The following SLC16A9 variants were observed in gnomAD, a reference collection of about 807,000 sequenced individuals.
SLC16A9 encodes the protein solute carrier family 16 member 9.
A neutral mutation model predicts 44.3 loss-of-function variants in SLC16A9; 26 were observed. The ratio of observed to expected loss-of-function variants is 0.59; its 90% CI spans 0.43 to 0.81. SLC16A9 has a LOEUF of 0.81. SLC16A9 is among the 40% of genes least tolerant of loss of function. The pLI is 0.00. For synonymous variants in SLC16A9, 230 were observed against 225.1 expected (o/e 1.02, Z -0.19); for missense variants, 559 against 595.8 (o/e 0.94, Z 0.64).
rs1002179378 is a variant in SLC16A9 at position 59,661,258 on chromosome 10, T to C, written c.436+2969A>G. ...ATGATTGTATATTTAGAAAACCCCA[T>C]CATCTCAGCCCGAAATCTCCTGAAG... On this transcript the variant is annotated intron_variant, in intron 4 of 5. Transcript: ENST00000395348. 2.6e-5 allele frequency among the ~76,000 whole-genome samples: 4 copies of C among 152,146 alleles called. No homozygotes were observed. The South Asian group carries it at 8.3e-4, about 32-fold the overall frequency.
intron 4 of SLC16A9, among the ~76,000 whole-genome samples, chr10:59,663,390 A>AAGAAAGAT (rs1839528164): frequency 6.6e-6 from 1 of 152,174 alleles, no homozygotes; most frequent in East Asian, 1.9e-4. Flanking sequence ...GAAAGAAAGA[A>AAGAAAGAT]AATGTGGCAC....
intron 1 of SLC16A9, among the ~76,000 whole-genome samples, chr10:59,696,637 G>A (rs1440314625): frequency 3.3e-5 from 5 of 150,286 alleles, no homozygotes; most frequent in African/African-American, 7.3e-5. Flanking sequence ...CTGCCCGGCC[G>A]CCATCCCATC....
intron 3 of SLC16A9, among the ~76,000 whole-genome samples, chr10:59,670,465 GT>G (rs1389312247): frequency 1.3e-5 from 2 of 152,164 alleles, no homozygotes; most frequent in Non-Finnish European, 2.9e-5. Flanking sequence ...TACAAAACAT[GT>G]TTACAGTCAC....
chr10:59,660,618 A>G (rs1839451729), intron 4 of SLC16A9, among the ~76,000 whole-genome samples: 1 of 152,178 alleles, frequency 6.6e-6, no homozygotes, highest in Admixed American at 6.5e-5. Flanking sequence ...ATTCCAAACA[A>G]TAGAAAAACA....
Position 59,651,397 on chromosome 10 carries a change from T to A in SLC16A9, c.*1375A>T, listed in dbSNP as rs555039780. ...CCTGACCTCTTGGGTTTTAAAAAAATTATTATTTAAAAGAATAAATGTTTT... is the reference window on the plus strand; with the variant it reads ...CCTGACCTCTTGGGTTTTAAAAAAAATATTATTTAAAAGAATAAATGTTTT... On this transcript the variant is annotated 3_prime_UTR_variant, in exon 6 of 6. Transcript: ENST00000395348. 2.0e-5 allele frequency: 3 copies of A among 152,326 alleles called. No individual in the cohort carries two copies. The highest frequency in any genetic ancestry group is 7.2e-5 in the African/African-American group (3 of 41,588). 9.4% of individuals were successfully genotyped at this position (152,326 alleles called of 1,614,324 possible).
At chr10:59,672,396 A>C (rs1220514516) in intron 3 of SLC16A9, among the ~76,000 whole-genome samples, 1 of 152,190 alleles carries the variant, frequency 6.6e-6, no homozygotes, top group African/African-American at 2.4e-5. Context: ...GCTTCAAAGA[A>C]TCATGCTTGA....
chr10:59,699,659 G>A (rs1418570102), intron 1 of SLC16A9, among the ~76,000 whole-genome samples: 1 of 151,908 alleles, frequency 6.6e-6, no homozygotes, highest in Non-Finnish European at 1.5e-5. Context: ...CCAGTGCCTG[G>A]CACATAGTAA....
intron 3 of SLC16A9, 80 bp from the exon 4 acceptor site, chr10:59,664,402 C>T (rs774852747): frequency 9.7e-5 from 86 of 887,662 alleles, no homozygotes; most frequent in Non-Finnish European, 1.4e-4. Context: ...CAAGTATGTC[C>T]GATAAGACAT....
intron 2 of SLC16A9, among the ~76,000 whole-genome samples, chr10:59,676,725 C>G (rs553862495): frequency 1.3e-5 from 2 of 152,028 alleles, no homozygotes; most frequent in African/African-American, 4.8e-5. Flanking sequence ...GAGTTCAAGA[C>G]CAGGTTGGCC....
chr10:59,678,540 C>CTTTTTT (rs1426559419), intron 2 of SLC16A9, among the ~76,000 whole-genome samples: 56 of 22,278 alleles, frequency 2.5e-3, no homozygotes, highest in African/African-American at 5.4e-3. Flanking sequence ...TTTTCTTTTT[C>CTTTTTT]TTTTTCTTTT....
chr10:59,702,488 T>A (rs921783360), intron 1 of SLC16A9, among the ~76,000 whole-genome samples: 51 of 152,308 alleles, frequency 3.3e-4, no homozygotes, highest in African/African-American at 1.1e-3. Context: ...GAGCCTCTTG[T>A]TTGTCCTCTG....
rs1345108606 is a variant in SLC16A9, at chr10:59,652,721, A to C, written c.*51T>G. ...AATTTGCTTGAGAATCTGTTAAAAT[A>C]TCGTTGCTATATGGTATAAAATAGC... On this transcript the variant is annotated 3_prime_UTR_variant, in exon 6 of 6. Transcript: ENST00000395348. The C allele has an allele frequency of 2.0e-6, 3 of 1,473,214 alleles. No individual in the cohort carries two copies. In the South Asian group the frequency reaches 4.2e-5, roughly 21 times the overall value. 91.3% of individuals were successfully genotyped at this position (1,473,214 alleles called of 1,614,324 possible).
chr10:59,661,356 A>G (rs1199567841), intron 4 of SLC16A9, among the ~76,000 whole-genome samples: 3 of 152,132 alleles, frequency 2.0e-5, no homozygotes, highest in South Asian at 4.1e-4. Context: ...CTATACACCA[A>G]TAATAGACAG....
chr10:59,699,858 C>T (rs1840482603), intron 1 of SLC16A9, among the ~76,000 whole-genome samples: 1 of 151,328 alleles, frequency 6.6e-6, no homozygotes, highest in African/African-American at 2.4e-5. Context: ...CTGTTAGATA[C>T]TTGGTTCTAG....
intron 1 of SLC16A9, among the ~76,000 whole-genome samples, chr10:59,693,143 T>C (rs1840287805): frequency 6.6e-6 from 1 of 152,248 alleles, no homozygotes; most frequent in Admixed American, 6.5e-5. Context: ...GGTCATCAGC[T>C]GCAACAGTGT....
chr10:59,669,884 C>T (rs555729076), intron 3 of SLC16A9, among the ~76,000 whole-genome samples: 2 of 152,144 alleles, frequency 1.3e-5, no homozygotes, highest in African/African-American at 4.8e-5. Context: ...TTCCTCATTG[C>T]AATTAATCCT....
intron 1 of SLC16A9, among the ~76,000 whole-genome samples, chr10:59,688,951 CCA>C (rs1840195032): frequency 6.6e-6 from 1 of 151,998 alleles, no homozygotes; most frequent in Non-Finnish European, 1.5e-5. Flanking sequence ...CCTTTCTACA[CCA>C]CACACCTCCG....
chr10:59,693,697 G>C (rs10993963), intron 1 of SLC16A9, among the ~76,000 whole-genome samples: 19,637 of 148,488 alleles, frequency 0.13, 1,363 homozygotes, highest in Non-Finnish European at 0.14. Flanking sequence ...TCGGCTCACC[G>C]TAAGCTCCGC....
At chr10:59,677,896 A>G (rs1283064365) in intron 2 of SLC16A9, among the ~76,000 whole-genome samples, 1 of 150,840 alleles carries the variant, frequency 6.6e-6, no homozygotes, top group Non-Finnish European at 1.5e-5. Context: ...TTAATTTATT[A>G]TTATTATACT....
Sources: gnomAD v4.1 joint callset for allele counts (sites outside exome capture counted in the v4.1 genomes callset) on GRCh38, gnomAD v4.1.1 for gene constraint, MANE v1.5 for transcripts, NCBI Gene and HGNC (gene_info 2026-07-23, HGNC 2026-07-21) for gene names.